The following ATP2C2 variants were observed in gnomAD, a reference collection of about 807,000 sequenced individuals.
The protein encoded by ATP2C2 is ATPase secretory pathway Ca2+ transporting 2.
ATP2C2 carries 171 observed loss-of-function variants against 110.8 expected under a neutral mutation model. The ratio of observed to expected loss-of-function variants is 1.54; its 90% CI spans 1.36 to 1.75. The LOEUF (loss-of-function observed/expected upper bound fraction) is 1.75. ATP2C2 is among the 40% of genes most tolerant of loss of function. ATP2C2 has a pLI of 0.00. For missense variants in ATP2C2, 1,963 were observed against 1,235.0 expected, an observed-to-expected ratio of 1.59 and a Z score of -8.84; for synonymous variants, 804 against 508.4, an observed-to-expected ratio of 1.58 and a Z score of -7.82.
intron 16 of ATP2C2, 151 bp downstream of exon 16, chr16:84,446,581 C>A (rs549129160): frequency 5.8e-6 from 3 of 513,836 alleles, no homozygotes; most frequent in East Asian, 6.6e-5. Context: ...CACCATCATA[C>A]CTTTGATTCT....
At chr16:84,397,161 G>C (rs1177247591) in intron 1 of ATP2C2, among the ~76,000 whole-genome samples, 1 of 151,760 alleles carries the variant, frequency 6.6e-6, no homozygotes, top group Non-Finnish European at 1.5e-5. Flanking sequence ...CCGCTTCTGA[G>C]GTCTCCTTTG....
chr16:84,441,341 G>C (rs181233661), intron 14 of ATP2C2, among the ~76,000 whole-genome samples: 1 of 152,290 alleles, frequency 6.6e-6, no homozygotes, highest in Non-Finnish European at 1.5e-5. Flanking sequence ...CACTGGGAAG[G>C]CTCTAAGGAG....
intron 11 of ATP2C2, among the ~76,000 whole-genome samples, chr16:84,429,734 T>C (rs1246918110): frequency 6.6e-6 from 1 of 152,086 alleles, no homozygotes; most frequent in African/African-American, 2.4e-5. Flanking sequence ...GGAGGAGCTG[T>C]GGCTGATGTG....
In ATP2C2 at chr16:84,408,428, G is replaced by C. The variant is rs1905970788; in HGVS notation, c.351G>C (p.Leu117=). 1 of 1,613,882 alleles carries C rather than the reference G, an allele frequency of 6.2e-7. No individual in the cohort carries two copies. The highest frequency in any genetic ancestry group is 1.1e-5 in the South Asian group (1 of 91,072). Residue 117 remains leucine, a synonymous_variant, in exon 4 of 27, where the codon CTG becomes CTC. Coordinates refer to ENST00000262429, the MANE Select transcript of ATP2C2 (RefSeq NM_014861.4). ...LDQFKNPLIL[L]LLGSALVSVL... Reference sequence around the variant, plus strand: ...AGTTTAAGAACCCCCTGATCCTGCTGCTGCTGGGCTCTGCCCTGGTGAGTG... The same window carrying C: ...AGTTTAAGAACCCCCTGATCCTGCTCCTGCTGGGCTCTGCCCTGGTGAGTG...
In ATP2C2 at chr16:84,463,845, C is replaced by T. The variant is rs530434599; in HGVS notation, c.*113C>T. ...TTAGGAGGCCGCAGCCTTCCATCAC[C>T]GGATCAGTTTTTCCTCTTAGGAAAG... On this transcript the variant is annotated 3_prime_UTR_variant, in exon 27 of 27. Coordinates refer to ENST00000262429, the MANE Select transcript of ATP2C2 (RefSeq NM_014861.4). The T allele has an allele frequency of 1.4e-4, 129 of 954,764 alleles. 1 individual carries two copies. The highest frequency in any genetic ancestry group is 7.2e-4 in the South Asian group (48 of 66,594). 59.1% of individuals were successfully genotyped at this position (954,764 alleles called of 1,614,324 possible).
At chr16:84,442,764 T>A (rs868566908) in intron 15 of ATP2C2, among the ~76,000 whole-genome samples, 165 bp downstream of exon 15, 6 of 143,952 alleles carry the variant, frequency 4.2e-5, no homozygotes, top group Non-Finnish European at 9.5e-5. Flanking sequence ...GTGGAGGAGG[T>A]GAGCTCTGAG....
chr16:84,426,122 G>A, intron 11 of ATP2C2: 2 of 293,038 alleles, frequency 6.8e-6, no homozygotes, highest in Non-Finnish European at 1.3e-5. Context: ...TGGTTCTACA[G>A]GCCGTACAGG....
chr16:84,452,035 C>G lies in ATP2C2; in HGVS notation c.1775C>G (p.Ser592Cys), dbSNP rs772218891. ...VKEAVQVLSESGVSVKMITGD... is the reference protein window; with the variant it reads ...VKEAVQVLSECGVSVKMITGD... ...GAAGCAGTCCAGGTTCTCTCCGAGT[C>G]TGGTGTGTCTGTGAAGATGATAACG... Residue 592 changes from serine (S) to cysteine (C), a missense_variant, in exon 18 of 27, where the codon TCT (serine) becomes TGT (cysteine). Ser to Cys is a moderately radical substitution (Grantham distance 112). Coordinates refer to ENST00000262429, the MANE Select transcript of ATP2C2 (RefSeq NM_014861.4). The G allele has an allele frequency of 6.2e-7, 1 of 1,613,568 alleles. No homozygotes were observed. Among genetic ancestry groups the G allele is most frequent in the African/African-American group, 1.3e-5 (1 of 74,822 alleles).
chr16:84,388,608 G>T (rs897551511), intron 1 of ATP2C2, among the ~76,000 whole-genome samples: 1 of 152,224 alleles, frequency 6.6e-6, no homozygotes, highest in Non-Finnish European at 1.5e-5. Flanking sequence ...ATCTGCCTGA[G>T]TGTGGCTTAT....
rs1297675233 is a variant in ATP2C2, at chr16:84,448,589, C to T, written c.1560C>T (p.Cys520=). 3 of 1,613,952 alleles carry T rather than the reference C, an allele frequency of 1.9e-6. No homozygotes were observed. Among genetic ancestry groups the T allele is most frequent in the African/African-American group, 1.3e-5 (1 of 74,908 alleles). ...CCTTGGAAGAGGTGATCCGCTACTGCACCATGTACAACAACGGGGGCATCC... is the reference window on the plus strand; with the variant it reads ...CCTTGGAAGAGGTGATCCGCTACTGTACCATGTACAACAACGGGGGCATCC... ...KGALEEVIRY[C]TMYNNGGIPL... Residue 520 remains cysteine (C), a synonymous_variant, in exon 17 of 27, where the codon TGC becomes TGT. Transcript: ENST00000262429.
intron 1 of ATP2C2, among the ~76,000 whole-genome samples, chr16:84,388,789 T>A (rs1039290870): frequency 6.6e-6 from 1 of 152,242 alleles, no homozygotes; most frequent in South Asian, 2.1e-4. Flanking sequence ...TTTTTGTTTT[T>A]TGAGATGGAG....
chr16:84,383,472 T>C (rs1378576788), intron 1 of ATP2C2, among the ~76,000 whole-genome samples: 3 of 152,282 alleles, frequency 2.0e-5, no homozygotes, highest in Non-Finnish European at 2.9e-5. Context: ...CCAATGCGGG[T>C]TGAACCTGAA....
chr16:84,463,161 A>C (rs1410705152), intron 26 of ATP2C2, among the ~76,000 whole-genome samples: 1 of 151,508 alleles, frequency 6.6e-6, no homozygotes, highest in Non-Finnish European at 1.5e-5. Flanking sequence ...TCAAAACAGC[A>C]TGTGACAGGA....
At position 84,381,757 on chromosome 16, in the gene ATP2C2, CAGTT is replaced by C. The variant is rs1385828886; in HGVS notation, c.99+13048_99+13051del. Among the ~76,000 whole-genome samples the C allele has an allele frequency of 2.3e-4, 35 of 152,242 alleles. No individual in the cohort carries two copies. In the East Asian group the frequency reaches 6.2e-3, roughly 27 times the overall value. ...TCGTATTTAACCCGTTTCCTGCCGA[CAGTT>C]AGTTGGTTTCCTTTTTTGATTTTTA... On this transcript the variant is annotated intron_variant, in intron 1 of 26. Transcript: ENST00000262429.
chr16:84,446,824 G>A (rs1004454574), intron 16 of ATP2C2, among the ~76,000 whole-genome samples: 1 of 152,126 alleles, frequency 6.6e-6, no homozygotes, highest in Non-Finnish European at 1.5e-5. Context: ...AGTGACTGAG[G>A]CCCTGCTGCT....
intron 4 of ATP2C2, 128 bp from the exon 5 acceptor site, chr16:84,410,440 T>A (rs2150526014): frequency 1.8e-6 from 2 of 1,100,224 alleles, no homozygotes; most frequent in East Asian, 4.7e-5. Flanking sequence ...TCTAAATTTC[T>A]GTACTGTGCA....
At chr16:84,405,441 A>G (rs888522658) in intron 3 of ATP2C2, among the ~76,000 whole-genome samples, 197 bp downstream of exon 3, 4 of 151,966 alleles carry the variant, frequency 2.6e-5, no homozygotes, top group Non-Finnish European at 5.9e-5. Flanking sequence ...AACAGTGATC[A>G]CTTTCGTAGA....
chr16:84,452,353 G>A (rs1411440391), intron 18 of ATP2C2, among the ~76,000 whole-genome samples: 3 of 152,120 alleles, frequency 2.0e-5, no homozygotes, highest in Admixed American at 6.5e-5. Context: ...CTTTTCATCC[G>A]CTGTCTTCAC....
At chr16:84,380,573 G>T (rs1418502760) in intron 1 of ATP2C2, among the ~76,000 whole-genome samples, 3 of 152,140 alleles carry the variant, frequency 2.0e-5, no homozygotes, top group African/African-American at 7.2e-5. Flanking sequence ...CTGTTTGCTT[G>T]GGTGTTCTTG....
Sources: allele counts gnomAD v4.1 joint callset (sites outside exome capture counted in the v4.1 genomes callset), GRCh38; gene constraint gnomAD v4.1.1; transcripts MANE v1.5; gene names NCBI Gene and HGNC (gene_info 2026-07-23, HGNC 2026-07-21).